Variants in RANBP2 observed in about 807,000 individuals in gnomAD.
RANBP2 encodes the protein RAN binding protein 2, also known as E3 SUMO-protein ligase RanBP2.
RANBP2 carries 57 observed loss-of-function variants against 303.6 expected under a neutral mutation model. The ratio of observed to expected loss-of-function variants is 0.19; its 90% CI spans 0.15 to 0.23. The LOEUF (loss-of-function observed/expected upper bound fraction) is 0.23. RANBP2 is among the 10% of genes least tolerant of loss of function. The pLI, the probability that RANBP2 is intolerant of heterozygous loss-of-function variation, is 1.00. For synonymous variants in RANBP2, 1,167 were observed against 1,301.5 expected (o/e 0.90, Z 2.23); for missense variants, 3,138 against 3,780.8 (o/e 0.83, Z 4.46).
the RANBP2 span, among the ~76,000 whole-genome samples, chr2:109,412,715 G>A: frequency 6.6e-6 from 1 of 152,252 alleles, no homozygotes; most frequent in Non-Finnish European, 1.5e-5. Flanking sequence ...TCATACCACT[G>A]TGGAAATGTT....
the RANBP2 span, among the ~76,000 whole-genome samples, chr2:109,002,025 C>G: frequency 6.7e-4 from 102 of 152,338 alleles, no homozygotes; most frequent in African/African-American, 2.3e-3. Context: ...CCACTGCGCC[C>G]AGCCCATTAA....
the RANBP2 span, among the ~76,000 whole-genome samples, chr2:108,872,637 A>G: frequency 6.6e-6 from 1 of 152,090 alleles, no homozygotes; most frequent in South Asian, 2.1e-4. Context: ...TTCTTGTTGC[A>G]TCATCACCTG....
chr2:109,625,871 C>A, the RANBP2 span, among the ~76,000 whole-genome samples: 1 of 151,946 alleles, frequency 6.6e-6, no homozygotes, highest in Admixed American at 6.6e-5. Flanking sequence ...AGAGTATTGA[C>A]CATAAAGACC....
the RANBP2 span, among the ~76,000 whole-genome samples, chr2:109,404,732 A>G: frequency 1.8e-4 from 27 of 151,934 alleles, no homozygotes; most frequent in Non-Finnish European, 3.4e-4. Flanking sequence ...TCATTGACCT[A>G]CTGCTTCCTC....
chr2:109,173,347 A>G, the RANBP2 span, among the ~76,000 whole-genome samples: 3 of 152,136 alleles, frequency 2.0e-5, 1 homozygote, highest in Middle Eastern at 6.3e-3. Flanking sequence ...CCCGTTATCA[A>G]CCGAGCCGTC....
the RANBP2 span, among the ~76,000 whole-genome samples, chr2:109,211,830 A>T: frequency 9.2e-5 from 14 of 152,056 alleles, no homozygotes; most frequent in Non-Finnish European, 1.8e-4. Context: ...TTTAGGAGAG[A>T]CAGGGTTTCC....
At chr2:108,880,224 C>CAAA in the RANBP2 span, among the ~76,000 whole-genome samples, 3,615 of 50,318 alleles carry the variant, frequency 0.072, 148 homozygotes, top group African/African-American at 0.18. Context: ...CAAAAACAAA[C>CAAA]AAAAAAAAAA....
At chr2:109,553,648 T>C in the RANBP2 span, among the ~76,000 whole-genome samples, 1 of 150,294 alleles carries the variant, frequency 6.7e-6, no homozygotes, top group Non-Finnish European at 1.5e-5. Flanking sequence ...AGGTCAGGAG[T>C]TCAAGACCAG....
At chr2:109,721,807 G>A in the RANBP2 span, among the ~76,000 whole-genome samples, 1 of 152,200 alleles carries the variant, frequency 6.6e-6, no homozygotes, top group Non-Finnish European at 1.5e-5. Flanking sequence ...AGCTGGCAAG[G>A]TGGCCCTACA....
chr2:109,303,989 T>C, the RANBP2 span, among the ~76,000 whole-genome samples: 1 of 152,026 alleles, frequency 6.6e-6, no homozygotes, highest in East Asian at 1.9e-4. Flanking sequence ...TAATCTCAGC[T>C]ACTTCAGAGG....
the RANBP2 span, among the ~76,000 whole-genome samples, chr2:109,190,861 G>A: frequency 6.6e-6 from 1 of 151,928 alleles, no homozygotes; most frequent in Middle Eastern, 3.4e-3. Context: ...AGCACTTACT[G>A]TATGTAAAGC....
rs775556279 is a variant in RANBP2 at position 108,763,922 on chromosome 2, GTGA to G, written c.3388_3390del (p.Asp1130del). 1 of 1,613,956 alleles carries G rather than the reference GTGA, an allele frequency of 6.2e-7. No homozygotes were observed. The highest frequency in any genetic ancestry group is 1.1e-5 in the South Asian group (1 of 91,084). ...CAAAAGAATTCTGGTTTTCGGCGAAGTGATGATATGTTTACTTTCCATGGTCCA... is the reference window on the plus strand; with the variant it reads ...CAAAAGAATTCTGGTTTTCGGCGAAGTGATATGTTTACTTTCCATGGTCCA... On this transcript the variant is annotated inframe_deletion, in exon 20 of 29. Transcript: ENST00000283195.
chr2:109,536,195 T>C, the RANBP2 span, among the ~76,000 whole-genome samples: 1 of 152,084 alleles, frequency 6.6e-6, no homozygotes, highest in African/African-American at 2.4e-5. Flanking sequence ...CCCAGAATGG[T>C]AGATCCACTA....
the RANBP2 span, among the ~76,000 whole-genome samples, chr2:109,362,192 G>A: frequency 6.6e-6 from 1 of 152,006 alleles, no homozygotes; most frequent in Non-Finnish European, 1.5e-5. Flanking sequence ...TCTAATCGAT[G>A]CATTCAGTGC....
chr2:109,382,975 A>G, the RANBP2 span, among the ~76,000 whole-genome samples: 6 of 152,228 alleles, frequency 3.9e-5, no homozygotes, highest in Non-Finnish European at 7.3e-5. Flanking sequence ...TCCAATCACA[A>G]CACTCAGGAC....
chr2:109,614,983 C>T, the RANBP2 span: 1 of 1,540,400 alleles, frequency 6.5e-7, no homozygotes, highest in Non-Finnish European at 8.7e-7. Context: ...CAGCCCCTAC[C>T]GCGGACTCCA....
At chr2:109,544,892 G>C in the RANBP2 span, 1 of 922,486 alleles carries the variant, frequency 1.1e-6, no homozygotes, top group African/African-American at 1.8e-5. Context: ...AGCTTGCATT[G>C]AAAGATCATA....
the RANBP2 span, among the ~76,000 whole-genome samples, chr2:109,402,947 T>C: frequency 6.6e-6 from 1 of 152,166 alleles, no homozygotes; most frequent in Non-Finnish European, 1.5e-5. Context: ...GATGGGCTGC[T>C]TGCTGGGCAC....
chr2:109,614,112 G>A, the RANBP2 span: 7 of 1,209,270 alleles, frequency 5.8e-6, no homozygotes, highest in African/African-American at 9.4e-5. Flanking sequence ...GCGTTGGGGC[G>A]GGCTGAAGGA....
Sources: allele counts gnomAD v4.1 joint callset (sites outside exome capture counted in the v4.1 genomes callset), GRCh38; gene constraint gnomAD v4.1.1; transcripts MANE v1.5; gene names NCBI Gene and HGNC (gene_info 2026-07-23, HGNC 2026-07-21).